Variants in ZNF366 observed in about 807,000 individuals in gnomAD.
ZNF366 encodes the protein dendritic cell-specific transcript protein.
Under a neutral mutation model 47.2 loss-of-function variants are expected in ZNF366, and 20 were observed. The ratio of observed to expected loss-of-function variants is 0.42; its 90% CI spans 0.30 to 0.62. The LOEUF is 0.62. Ranked by LOEUF, ZNF366 falls within the 20% of genes least tolerant of loss-of-function variation. ZNF366 has a pLI of 0.16. For missense variants in ZNF366, 987 were observed against 976.3 expected (o/e 1.01, Z -0.15); for synonymous variants, 421 against 395.1 (o/e 1.07, Z -0.78).
In ZNF366 at chr5:72,460,594, C is replaced by G; in HGVS notation, c.903G>C (p.Leu301=). The G allele has an allele frequency of 6.2e-7, 1 of 1,614,124 alleles. No individual in the cohort carries two copies. Among genetic ancestry groups the G allele is most frequent in the Non-Finnish European group, 8.5e-7 (1 of 1,180,042 alleles). ...TGTGGGGCCGCGTGCCCTGGTGGGT[C>G]AGCATGTGGGTATGCAGGTGGCTGA... ...KQLSHLHTHM[L]THQGTRPHKC... is the part of the protein sequence containing the mutation. The change falls in exon 2 of 5, where the codon CTG becomes CTC. Residue 301 remains leucine (L), a synonymous_variant. Coordinates refer to ENST00000318442, the MANE Select transcript of ZNF366 (RefSeq NM_152625.3).
intron 1 of ZNF366, among the ~76,000 whole-genome samples, chr5:72,492,246 T>C (rs1288747437): frequency 6.6e-6 from 1 of 152,182 alleles, no homozygotes; most frequent in African/African-American, 2.4e-5. Flanking sequence ...ATGTCCCTTA[T>C]TGTAACTATG....
intron 3 of ZNF366, among the ~76,000 whole-genome samples, chr5:72,454,665 TA>T (rs766042079): frequency 6.6e-6 from 1 of 152,174 alleles, no homozygotes; most frequent in East Asian, 1.9e-4. Flanking sequence ...TTGATAAGAT[TA>T]AAAATTCAGT....
intron 1 of ZNF366, among the ~76,000 whole-genome samples, chr5:72,499,641 A>G (rs1405262646): frequency 6.6e-6 from 1 of 152,180 alleles, no homozygotes; most frequent in Non-Finnish European, 1.5e-5. Flanking sequence ...AAAGAAAAAA[A>G]CAACTGAAAA....
chr5:72,464,899 A>T (rs1442179284), intron 1 of ZNF366, among the ~76,000 whole-genome samples: 1 of 152,146 alleles, frequency 6.6e-6, no homozygotes, highest in Non-Finnish European at 1.5e-5. Context: ...CTCTATTAAA[A>T]ATTCAAAAAT....
chr5:72,499,893 G>C (rs1474784558), intron 1 of ZNF366, among the ~76,000 whole-genome samples: 1 of 152,168 alleles, frequency 6.6e-6, no homozygotes, highest in African/African-American at 2.4e-5. Context: ...ATTTTGTCCA[G>C]GCTTCAGCAA....
chr5:72,487,015 T>C (rs1286308612), intron 1 of ZNF366, among the ~76,000 whole-genome samples: 1 of 152,212 alleles, frequency 6.6e-6, no homozygotes, highest in South Asian at 2.1e-4. Flanking sequence ...GATCTTGTGA[T>C]CCACCCGCCT....
intron 1 of ZNF366, among the ~76,000 whole-genome samples, chr5:72,499,756 G>C (rs1355780485): frequency 1.3e-5 from 2 of 152,108 alleles, no homozygotes; most frequent in Admixed American, 1.3e-4. Context: ...ACACTATGGA[G>C]GTAGGCGTTC....
At chr5:72,476,071 C>A (rs1193609595) in intron 1 of ZNF366, among the ~76,000 whole-genome samples, 1 of 152,076 alleles carries the variant, frequency 6.6e-6, no homozygotes, top group East Asian at 1.9e-4. Flanking sequence ...CTGGTAGCAC[C>A]ATAAAAAAAT....
At chr5:72,448,860 A>T (rs1239490293) in intron 3 of ZNF366, among the ~76,000 whole-genome samples, 3 of 152,210 alleles carry the variant, frequency 2.0e-5, no homozygotes, top group Non-Finnish European at 4.4e-5. Flanking sequence ...TGCTGGGTCC[A>T]TGTATGGATA....
Position 72,460,693 on chromosome 5 carries a change from C to G in ZNF366, c.804G>C (p.Leu268=). 6.2e-7 allele frequency: 1 copy of G among 1,614,206 alleles called. No individual in the cohort carries two copies. Among genetic ancestry groups the G allele is most frequent in the Non-Finnish European group, 8.5e-7 (1 of 1,180,028 alleles). ...CEKSYTSKYN[L]VTHILGHSGI... is the part of the protein sequence containing the mutation. The stretch of plus-strand genomic sequence containing the variant: ...CACTGTGGCCCAGGATGTGGGTGAC[C>G]AGGTTGTACTTGGAGGTGTAGGACT... The change falls in exon 2 of 5, where the codon CTG becomes CTC. Residue 268 remains leucine (L), a synonymous_variant. Transcript: ENST00000318442.
chr5:72,477,178 A>G (rs1382307513), intron 1 of ZNF366, among the ~76,000 whole-genome samples: 1 of 152,236 alleles, frequency 6.6e-6, no homozygotes, highest in Non-Finnish European at 1.5e-5. Context: ...ACTTTGATTG[A>G]TGGTTCACAC....
chr5:72,449,906 G>A lies in ZNF366; in HGVS notation c.1525-2489C>T, dbSNP rs193240711. Among the ~76,000 whole-genome samples the A allele has an allele frequency of 2.8e-3, 423 of 152,290 alleles. 2 individuals are homozygous for A. The highest frequency in any genetic ancestry group is 9.6e-3 in the African/African-American group (397 of 41,562). ...GCATGTAGCGGGAGAGAAGCTGAAG[G>A]CCAGAAGATCAATTAGGCTACTGCA... On this transcript the variant is annotated intron_variant, in intron 3 of 4. Transcript: ENST00000318442.
chr5:72,447,679 A>G (rs1163923974), intron 3 of ZNF366, among the ~76,000 whole-genome samples: 2 of 152,200 alleles, frequency 1.3e-5, no homozygotes, highest in Non-Finnish European at 2.9e-5. Flanking sequence ...TTTTGAATAA[A>G]AGCTTTTGAA....
chr5:72,465,837 T>C (rs950791376), intron 1 of ZNF366, among the ~76,000 whole-genome samples: 1 of 152,232 alleles, frequency 6.6e-6, no homozygotes, highest in Non-Finnish European at 1.5e-5. Context: ...GGTTTGAATG[T>C]TGGCTTTGTG....
rs763331780 is a variant in ZNF366, at chr5:72,461,482, C to T, written c.15G>A (p.Met5Ile). The change falls in exon 2 of 5, where the codon ATG (methionine) becomes ATA (isoleucine). Residue 5 changes from methionine to isoleucine, a missense_variant. Coordinates refer to ENST00000318442, the MANE Select transcript of ZNF366 (RefSeq NM_152625.3). MQKE[M>I]KMIKDEDVHF... ...GCACATCCTCGTCTTTGATCATCTT[C>T]ATTTCCTTCTGCATCCTTGGCAATT... The T allele has an allele frequency of 3.2e-6, 5 of 1,556,000 alleles. No homozygotes were observed. Among genetic ancestry groups the T allele is most frequent in the Non-Finnish European group, 4.3e-6 (5 of 1,150,158 alleles).
At chr5:72,494,142 A>G (rs190156125) in intron 1 of ZNF366, 1 of 152,190 alleles carries the variant, frequency 6.6e-6, no homozygotes, top group East Asian at 1.9e-4. Context: ...ATACCATAAC[A>G]TATGACTAAA....
intron 1 of ZNF366, among the ~76,000 whole-genome samples, chr5:72,488,265 G>A (rs930656238): frequency 1.1e-4 from 16 of 151,968 alleles, no homozygotes; most frequent in Non-Finnish European, 5.9e-5. Flanking sequence ...GTTCCAGGAG[G>A]AAGAAATGCT....
chr5:72,486,169 C>A (rs1743888218), intron 1 of ZNF366, among the ~76,000 whole-genome samples: 1 of 152,206 alleles, frequency 6.6e-6, no homozygotes, highest in African/African-American at 2.4e-5. Context: ...TATATTCCTG[C>A]TGCCTAAAAT....
At chr5:72,468,493 C>A (rs1345288456) in intron 1 of ZNF366, among the ~76,000 whole-genome samples, 1 of 152,126 alleles carries the variant, frequency 6.6e-6, no homozygotes, top group Non-Finnish European at 1.5e-5. Context: ...TTTGAAAGTT[C>A]CTAAATACAA....
Sources: gnomAD v4.1 joint callset for allele counts (sites outside exome capture counted in the v4.1 genomes callset) on GRCh38, gnomAD v4.1.1 for gene constraint, MANE v1.5 for transcripts, NCBI Gene and HGNC (gene_info 2026-07-23, HGNC 2026-07-21) for gene names.